Variants in ZNF573 observed in about 807,000 individuals in gnomAD.
ZNF573 encodes zinc finger protein 573.
A neutral mutation model predicts 57.4 loss-of-function variants in ZNF573; 41 were observed. The ratio of observed to expected loss-of-function variants is 0.71; its 90% CI spans 0.56 to 0.93. The LOEUF is 0.93. Ranked by LOEUF, ZNF573 falls within the 40% of genes least tolerant of loss-of-function variation. ZNF573 has a pLI of 0.00. For missense variants in ZNF573, 730 were observed against 794.8 expected, an observed-to-expected ratio of 0.92 and a Z score of 0.98; for synonymous variants, 249 against 261.0, an observed-to-expected ratio of 0.95 and a Z score of 0.44.
intron 3 of ZNF573, 86 bp downstream of exon 3, chr19:37,771,478 C>T: frequency 6.8e-7 from 1 of 1,468,376 alleles, no homozygotes; most frequent in Non-Finnish European, 9.2e-7. Flanking sequence ...TCAACTATGT[C>T]TTGAAATATG....
At chr19:37,775,248 G>A (rs1471777377) in intron 1 of ZNF573, among the ~76,000 whole-genome samples, 1 of 151,986 alleles carries the variant, frequency 6.6e-6, no homozygotes, top group African/African-American at 2.4e-5. Context: ...AAACTCCTGG[G>A]CTCAAGAGAT....
At chr19:37,777,969 G>C (rs1316463651) in intron 1 of ZNF573, among the ~76,000 whole-genome samples, 1 of 144,304 alleles carries the variant, frequency 6.9e-6, no homozygotes, top group Admixed American at 7.2e-5. Context: ...GCTTGCAAGT[G>C]AGCCGAGATC....
chr19:37,749,515 G>C (rs2045413696), intron 4 of ZNF573, among the ~76,000 whole-genome samples: 1 of 151,974 alleles, frequency 6.6e-6, no homozygotes, highest in Non-Finnish European at 1.5e-5. Flanking sequence ...TTATAAAGCA[G>C]ATGTAAATAC....
chr19:37,752,432 TGAGTA>T (rs1485385675), intron 4 of ZNF573, among the ~76,000 whole-genome samples: 1 of 152,158 alleles, frequency 6.6e-6, no homozygotes, highest in Non-Finnish European at 1.5e-5. Flanking sequence ...AAAAAAAGAA[TGAGTA>T]TTGATACCTC....
At chr19:37,747,643 C>T (rs772383177) in intron 4 of ZNF573, among the ~76,000 whole-genome samples, 12 of 151,990 alleles carry the variant, frequency 7.9e-5, no homozygotes, top group Non-Finnish European at 1.3e-4. Flanking sequence ...AGGTTAATAT[C>T]ACCAGTGATG....
At chr19:37,775,099 C>G (rs960336260) in intron 1 of ZNF573, among the ~76,000 whole-genome samples, 1 of 150,704 alleles carries the variant, frequency 6.6e-6, no homozygotes, top group Non-Finnish European at 1.5e-5. Context: ...TCACTGCAAA[C>G]TCAGGCTTCT....
chr19:37,738,509 T>G lies in ZNF573; in HGVS notation c.1981A>C (p.Arg661=). 1 of 1,539,406 alleles carries G rather than the reference T, an allele frequency of 6.5e-7. No individual in the cohort carries two copies. The highest frequency in any genetic ancestry group is 8.7e-7 in the Non-Finnish European group (1 of 1,148,074). The stretch of plus-strand genomic sequence containing the variant: ...TTACGGTCTTACACTTTTATGCTCC[T>G]ATGAATTCTCTGATGGGCTTTAAGG... ...SALKAHQRIH[R]SIKV The change falls in exon 5 of 5, where the codon AGG becomes CGG. Residue 661 remains arginine (R), a synonymous_variant. Transcript: ENST00000536220.
intron 4 of ZNF573, among the ~76,000 whole-genome samples, chr19:37,753,643 A>G (rs1270043610): frequency 2.0e-5 from 3 of 152,192 alleles, no homozygotes; most frequent in African/African-American, 7.2e-5. Flanking sequence ...CATGAATTAT[A>G]TATTAAAAAG....
At position 37,758,203 on chromosome 19, in the gene ZNF573, ATATAT is replaced by A. The variant is rs1270376610; in HGVS notation, c.295+11797_295+11801del. Among the ~76,000 whole-genome samples, 158 of 52,028 alleles carry A rather than the reference ATATAT, an allele frequency of 3.0e-3. 23 individuals carry two copies. The highest frequency in any genetic ancestry group is 0.018 in the East Asian group (12 of 668). 34.1% of individuals were successfully genotyped at this position (52,028 alleles called of 152,430 possible). ...ACCCTAGAACTTAAAGTATAATAAA[ATATAT>A]ATATATATATATATATATATATATA... On this transcript the variant is annotated intron_variant, in intron 4 of 4. Transcript: ENST00000536220.
At chr19:37,765,661 G>T (rs1292627463) in intron 4 of ZNF573, among the ~76,000 whole-genome samples, 1 of 152,080 alleles carries the variant, frequency 6.6e-6, no homozygotes, top group Non-Finnish European at 1.5e-5. Flanking sequence ...AGTGAGCTGA[G>T]ATTGTGCCAT....
chr19:37,750,690 T>TA (rs1160575837), intron 4 of ZNF573, among the ~76,000 whole-genome samples: 3 of 151,878 alleles, frequency 2.0e-5, no homozygotes, highest in Admixed American at 6.6e-5. Context: ...TATAAATTGT[T>TA]AAAAAACATA....
At chr19:37,753,365 C>CAA (rs1317482398) in intron 4 of ZNF573, among the ~76,000 whole-genome samples, 1 of 151,842 alleles carries the variant, frequency 6.6e-6, no homozygotes, top group Non-Finnish European at 1.5e-5. Context: ...CTTTGTGCTA[C>CAA]AAAAAATCCA....
Position 37,740,321 on chromosome 19 carries a change from C to T in ZNF573, c.296-127G>A, listed in dbSNP as rs561368740. 163 of 901,146 alleles carry T rather than the reference C, an allele frequency of 1.8e-4. No individual in the cohort carries two copies. The Middle Eastern group carries it at 2.1e-3, about 12-fold the overall frequency. 55.8% of individuals were successfully genotyped at this position (901,146 alleles called of 1,614,324 possible). A position where few individuals can be genotyped will look rare whatever the true frequency, so the allele number is the denominator to read the frequency against. On this transcript the variant is annotated intron_variant, in intron 4 of 4. Coordinates refer to ENST00000536220, the MANE Select transcript of ZNF573 (RefSeq NM_001172690.2). Reference sequence around the variant, plus strand: ...CATATAGAATTCAAAAATATGGTTACGAAATTTGAAAAAGGCCAAAAAGAG... The same window carrying T: ...CATATAGAATTCAAAAATATGGTTATGAAATTTGAAAAAGGCCAAAAAGAG...
chr19:37,753,034 T>G (rs2145296834), intron 4 of ZNF573, among the ~76,000 whole-genome samples: 1 of 152,202 alleles, frequency 6.6e-6, no homozygotes, highest in East Asian at 1.9e-4. Context: ...GTGGGAGGAT[T>G]GCTTGAGCCC....
intron 4 of ZNF573, among the ~76,000 whole-genome samples, chr19:37,760,414 A>G (rs2045539723): frequency 6.6e-6 from 1 of 152,218 alleles, no homozygotes; most frequent in South Asian, 2.1e-4. Context: ...AAGACAAATA[A>G]CTAAGGATAG....
At position 37,748,858 on chromosome 19, in the gene ZNF573, C is replaced by G. The variant is rs149430830; in HGVS notation, c.296-8664G>C. On this transcript the variant is annotated intron_variant, in intron 4 of 4. Transcript: ENST00000536220. Reference sequence around the variant, plus strand: ...AGGAGAATCGCTTGAACCCAGGAGGCAGAGGTTGCAGTGAGCCGAGATAGC... The same window carrying G: ...AGGAGAATCGCTTGAACCCAGGAGGGAGAGGTTGCAGTGAGCCGAGATAGC... 7.3e-3 allele frequency among the ~76,000 whole-genome samples: 1,033 copies of G among 141,394 alleles called. 13 individuals are homozygous for G. The highest frequency in any genetic ancestry group is 0.025 in the African/African-American group (965 of 37,860). The allele number at this position is 141,394 out of a possible 152,430, so 92.8% of individuals were successfully genotyped here. A position where few individuals can be genotyped will look rare whatever the true frequency, so the allele number is the denominator to read the frequency against.
At position 37,739,114 on chromosome 19, in the gene ZNF573, C is replaced by T. The variant is rs773384963; in HGVS notation, c.1376G>A (p.Arg459Gln). ...CTTACCAGTGTGAATATTCTGATGTCGAGTAAGATTTCTATACAAAGTAAA... is the reference window on the plus strand; with the variant it reads ...CTTACCAGTGTGAATATTCTGATGTTGAGTAAGATTTCTATACAAAGTAAA... ...KTFTLYRNLT[R>Q]HQNIHTGKKL... Residue 459 changes from arginine (R) to glutamine (Q), a missense_variant, in exon 5 of 5, where the codon CGA (arginine) becomes CAA (glutamine). Coordinates refer to ENST00000536220, the MANE Select transcript of ZNF573 (RefSeq NM_001172690.2). 2.1e-5 allele frequency: 34 copies of T among 1,612,958 alleles called. No homozygotes were observed. Among genetic ancestry groups the T allele is most frequent in the East Asian group, 8.9e-5 (4 of 44,814 alleles).
At chr19:37,759,750 TAAATAAAAATGA>T (rs1012077507) in intron 4 of ZNF573, among the ~76,000 whole-genome samples, 7 of 151,898 alleles carry the variant, frequency 4.6e-5, no homozygotes, top group Admixed American at 4.6e-4. Context: ...AATAAATAAA[TAAATAAAAATGA>T]AAATAAAAAT....
chr19:37,739,891 C>T lies in ZNF573; in HGVS notation c.599G>A (p.Arg200Lys). The T allele has an allele frequency of 6.2e-7, 1 of 1,614,006 alleles. No homozygotes were observed. The highest frequency in any genetic ancestry group is 8.5e-7 in the Non-Finnish European group (1 of 1,179,962). The stretch of plus-strand genomic sequence containing the variant: ...ATGCACAGTCAGCTGATAACCACTT[C>T]TAAAGTTCTTCCCACATTCTGTACA... ...YECTECGKNF[R>K]SGYQLTVHQR... Residue 200 changes from arginine to lysine, a missense_variant, in exon 5 of 5, where the codon AGA becomes AAA. Physicochemically the swap from Arg to Lys is conservative, Grantham distance 26 (BLOSUM62 2). Transcript: ENST00000536220.
Sources: allele counts gnomAD v4.1 joint callset (sites outside exome capture counted in the v4.1 genomes callset), GRCh38; gene constraint gnomAD v4.1.1; transcripts MANE v1.5; gene names NCBI Gene and HGNC (gene_info 2026-07-23, HGNC 2026-07-21).